Variants in IGF1R observed in about 807,000 individuals in gnomAD.
IGF1R encodes insulin like growth factor 1 receptor, also known as insulin-like growth factor 1 receptor.
A neutral mutation model predicts 144.6 loss-of-function variants in IGF1R; 44 were observed. The observed-to-expected ratio is 0.30, with a 90% CI of 0.24 to 0.39. The LOEUF is 0.39. Among genes scored for constraint, IGF1R ranks in the 10% least tolerant of loss-of-function variants. The pLI, the probability that IGF1R is intolerant of heterozygous loss-of-function variation, is 1.00. For missense variants in IGF1R, 1,355 were observed against 1,833.7 expected (o/e 0.74, Z 4.77); for synonymous variants, 795 against 722.8 (o/e 1.10, Z -1.60).
At chr15:98,952,217 T>C (rs865868345) in intron 20 of IGF1R, among the ~76,000 whole-genome samples, 2 of 150,922 alleles carry the variant, frequency 1.3e-5, no homozygotes, top group African/African-American at 2.4e-5. Context: ...CATGTGAGAG[T>C]CAATCACGTG....
intron 20 of IGF1R, among the ~76,000 whole-genome samples, chr15:98,950,734 G>A (rs2016740610): frequency 6.6e-6 from 1 of 152,174 alleles, no homozygotes; most frequent in Non-Finnish European, 1.5e-5. Flanking sequence ...TGAGAAGCCT[G>A]ATTAGAGGAG....
chr15:98,953,491 G>A (rs577900437), intron 20 of IGF1R, among the ~76,000 whole-genome samples: 128 of 152,278 alleles, frequency 8.4e-4, no homozygotes, highest in African/African-American at 3.0e-3. Context: ...CTCTGGGTGC[G>A]TGCTGACCCT....
chr15:98,763,044 CAAAA>C (rs58091658), intron 2 of IGF1R, among the ~76,000 whole-genome samples: 16 of 134,600 alleles, frequency 1.2e-4, no homozygotes, highest in Middle Eastern at 3.9e-3. Flanking sequence ...GGTTCCATCT[CAAAA>C]AAAAAAAAAA....
intron 6 of IGF1R, among the ~76,000 whole-genome samples, chr15:98,910,557 C>G (rs1486291497): frequency 6.6e-6 from 1 of 152,198 alleles, no homozygotes. Flanking sequence ...AGCTCTGGGT[C>G]TCCATGAGGG....
intron 2 of IGF1R, among the ~76,000 whole-genome samples, chr15:98,825,703 A>G (rs898506090): frequency 6.6e-6 from 1 of 152,246 alleles, no homozygotes; most frequent in Non-Finnish European, 1.5e-5. Context: ...GGGGACCACT[A>G]CGTTAGACCA....
chr15:98,806,065 T>G (rs115275363), intron 2 of IGF1R, among the ~76,000 whole-genome samples: 2,499 of 152,314 alleles, frequency 0.016, 70 homozygotes, highest in African/African-American at 0.057. Context: ...CTTTCAGGTC[T>G]GATAACTTGC....
intron 2 of IGF1R, among the ~76,000 whole-genome samples, chr15:98,807,545 A>G (rs1266972183): frequency 1.3e-5 from 2 of 152,248 alleles, no homozygotes; most frequent in East Asian, 3.8e-4. Flanking sequence ...ATAAGGACCA[A>G]AACATCCACT....
At chr15:98,777,326 AG>A (rs2055744735) in intron 2 of IGF1R, among the ~76,000 whole-genome samples, 1 of 152,250 alleles carries the variant, frequency 6.6e-6, no homozygotes, top group Non-Finnish European at 1.5e-5. Flanking sequence ...GTACTTGCCA[AG>A]GTTAAAGTTG....
chr15:98,906,671 A>G (rs1345936403), intron 5 of IGF1R, among the ~76,000 whole-genome samples: 1 of 152,256 alleles, frequency 6.6e-6, no homozygotes, highest in Non-Finnish European at 1.5e-5. Flanking sequence ...TGCATTGACC[A>G]GATCTGGGAT....
intron 1 of IGF1R, among the ~76,000 whole-genome samples, chr15:98,667,011 C>T (rs1015701314): frequency 3.3e-5 from 5 of 152,008 alleles, no homozygotes; most frequent in African/African-American, 7.3e-5. Flanking sequence ...TTGTCCATGG[C>T]GGTCCTAGGT....
At chr15:98,892,208 C>A (rs941793669) in intron 3 of IGF1R, among the ~76,000 whole-genome samples, 1 of 152,132 alleles carries the variant, frequency 6.6e-6, no homozygotes, top group Admixed American at 6.5e-5. Context: ...CAGTGCTCAT[C>A]ATGTCCTTCA....
chr15:98,706,223 G>A (rs565457325), intron 1 of IGF1R, among the ~76,000 whole-genome samples: 2 of 152,358 alleles, frequency 1.3e-5, no homozygotes, highest in African/African-American at 4.8e-5. Flanking sequence ...GGCACTGCCT[G>A]TTGGCATTTC....
intron 1 of IGF1R, among the ~76,000 whole-genome samples, chr15:98,671,925 A>G (rs1293303793): frequency 6.6e-6 from 1 of 152,224 alleles, no homozygotes; most frequent in Non-Finnish European, 1.5e-5. Flanking sequence ...TTGGACAGGC[A>G]AGTATGAAGG....
At position 98,891,013 on chromosome 15, in the gene IGF1R, G is replaced by A. The variant is rs906039179; in HGVS notation, c.641-312G>A. ...CGCCTGAGGCAACCCTCAAATGTGG[G>A]TATTATCCCCCTCATTTTACAGATG... On this transcript the variant is annotated intron_variant, in intron 2 of 20. Coordinates refer to ENST00000650285, the MANE Select transcript of IGF1R (RefSeq NM_000875.5). The surrounding 1 kb of genome is among the most constrained non-coding windows in gnomAD (Gnocchi z 4.7). 1.3e-5 allele frequency among the ~76,000 whole-genome samples: 2 copies of A among 152,184 alleles called. No individual in the cohort carries two copies. Among genetic ancestry groups the A allele is most frequent in the African/African-American group, 2.4e-5 (1 of 41,438 alleles).
At chr15:98,809,812 G>T (rs1430526894) in intron 2 of IGF1R, among the ~76,000 whole-genome samples, 2 of 152,128 alleles carry the variant, frequency 1.3e-5, no homozygotes, top group African/African-American at 2.4e-5. Flanking sequence ...GTTCCGGAGG[G>T]TTTCCCACTC....
rs2151738424 is a variant in IGF1R at position 98,957,296 on chromosome 15, C to T, written c.3958C>T (p.His1320Tyr). 1.2e-6 allele frequency: 2 copies of T among 1,613,594 alleles called. No individual in the cohort carries two copies. Among genetic ancestry groups the T allele is most frequent in the Non-Finnish European group, 1.7e-6 (2 of 1,179,662 alleles). ...GTCCTCCCTGCCACTGCCCGACAGA[C>T]ACTCAGGACACAAGGCCGAGAACGG... Reference protein sequence around the residue: ...SSSSLPLPDRHSGHKAENGPG... With the variant: ...SSSSLPLPDRYSGHKAENGPG... The change falls in exon 21 of 21, where the codon CAC becomes TAC. Residue 1320 changes from histidine (H) to tyrosine (Y), a missense_variant. Coordinates refer to ENST00000650285, the MANE Select transcript of IGF1R (RefSeq NM_000875.5).
intron 2 of IGF1R, among the ~76,000 whole-genome samples, chr15:98,758,465 G>A (rs1296729806): frequency 6.6e-6 from 1 of 152,144 alleles, no homozygotes; most frequent in African/African-American, 2.4e-5. Flanking sequence ...TCAAGGAATG[G>A]CAGACCAGCA....
intron 2 of IGF1R, among the ~76,000 whole-genome samples, chr15:98,741,494 G>C (rs985453777): frequency 2.0e-5 from 3 of 152,006 alleles, no homozygotes; most frequent in Non-Finnish European, 4.4e-5. Flanking sequence ...CACCCAGAGG[G>C]GTCATGTTGG....
chr15:98,733,488 GTTTT>G (rs112182962), intron 2 of IGF1R, among the ~76,000 whole-genome samples: 1 of 147,998 alleles, frequency 6.8e-6, no homozygotes. Flanking sequence ...GGCTGAGAAG[GTTTT>G]TTTTTTTTCC....
Sources: gnomAD v4.1 joint callset for allele counts (sites outside exome capture counted in the v4.1 genomes callset) on GRCh38, gnomAD v4.1.1 for gene constraint, Gnocchi (gnomAD v3.1) non-coding constraint, MANE v1.5 for transcripts, NCBI Gene and HGNC (gene_info 2026-07-23, HGNC 2026-07-21) for gene names.